The following CCDC171 variants were observed in gnomAD, a reference collection of about 807,000 sequenced individuals.
CCDC171 encodes the protein coiled-coil domain-containing protein 171.
CCDC171 carries 177 observed loss-of-function variants against 168.2 expected under a neutral mutation model. The ratio of observed to expected loss-of-function variants is 1.05; its 90% CI spans 0.93 to 1.19. CCDC171 has a LOEUF of 1.19. Among genes scored for constraint, CCDC171 ranks in the 50% most tolerant of loss-of-function variants. The probability of loss-of-function intolerance (pLI) is 0.00; values close to 1 mark genes in which losing one functional copy is unlikely to be tolerated. For synonymous variants in CCDC171, 687 were observed against 540.8 expected, an observed-to-expected ratio of 1.27 and a Z score of -3.75; for missense variants, 1,991 against 1,539.0, an observed-to-expected ratio of 1.29 and a Z score of -4.91.
intron 25 of CCDC171, among the ~76,000 whole-genome samples, chr9:15,950,742 C>G (rs1829050859): frequency 6.6e-6 from 1 of 151,744 alleles, no homozygotes; most frequent in Admixed American, 6.6e-5. Flanking sequence ...CAGCTAACAT[C>G]ATAATGACAG....
In CCDC171 at chr9:15,980,177, A is replaced by C. The variant is rs545327218; in HGVS notation, n.369-40412A>C. On this transcript the variant is annotated intron_variant and non_coding_transcript_variant, in intron 3 of 9. Transcript: ENST00000486641. ...ATCTAATGTTTTCTGGAAATTTTCT[A>C]TTTCAAATTAGGATTTTGACTTTAC... is the stretch of plus-strand genomic sequence containing the variant. Among the ~76,000 whole-genome samples, 266 of 152,248 alleles carry C rather than the reference A, an allele frequency of 1.7e-3. 1 individual carries two copies. Among genetic ancestry groups the C allele is most frequent in the Non-Finnish European group, 2.8e-3 (193 of 67,996 alleles).
the CCDC171 span, among the ~76,000 whole-genome samples, chr9:16,083,347 T>G: frequency 6.6e-6 from 1 of 152,188 alleles, no homozygotes; most frequent in Non-Finnish European, 1.5e-5. Context: ...AGTGAAAAAG[T>G]GGCCAGTCTT....
intron 11 of CCDC171, among the ~76,000 whole-genome samples, chr9:15,700,046 C>G (rs771738066): frequency 2.0e-5 from 3 of 152,240 alleles, no homozygotes; most frequent in Non-Finnish European, 4.4e-5. Context: ...TGTGACCGCA[C>G]TCCTCAGCCC....
rs555696694 is a variant in CCDC171 at position 15,929,534 on chromosome 9, T to C, written c.3753+9112T>C. Among the ~76,000 whole-genome samples, 3 of 151,832 alleles carry C rather than the reference T, an allele frequency of 2.0e-5. No homozygotes were observed. The South Asian group carries it at 6.2e-4, about 31-fold the overall frequency. ...ACCTTGCAGCCCAAGGAAGAGTCCT[T>C]AACTTTTGTTCCACTTTCCCTCTAC... On this transcript the variant is annotated intron_variant, in intron 25 of 25. Coordinates refer to ENST00000380701, the MANE Select transcript of CCDC171 (RefSeq NM_173550.4).
intron 10 of CCDC171, among the ~76,000 whole-genome samples, chr9:15,690,134 A>C (rs2050686429): frequency 6.6e-6 from 1 of 152,196 alleles, no homozygotes; most frequent in Non-Finnish European, 1.5e-5. Context: ...ATGGGGAGTG[A>C]GAGCCAGTGG....
At chr9:15,953,837 G>A (rs185194662) in intron 25 of CCDC171, among the ~76,000 whole-genome samples, 1 of 151,998 alleles carries the variant, frequency 6.6e-6, no homozygotes, top group East Asian at 1.9e-4. Flanking sequence ...TTTGATTACT[G>A]AGTCAATCTG....
chr9:15,605,315 A>G (rs542455079), intron 6 of CCDC171, among the ~76,000 whole-genome samples: 1 of 152,110 alleles, frequency 6.6e-6, no homozygotes, highest in East Asian at 1.9e-4. Flanking sequence ...CTTCTGGAAA[A>G]CTATGTACTG....
At chr9:16,040,881 C>T (rs1359955), upstream of CCDC171, among the ~76,000 whole-genome samples, 61,338 of 151,038 alleles carry the variant, frequency 0.41, 13,893 homozygotes, top group East Asian at 0.73. Flanking sequence ...GATACTCTCT[C>T]TTTTTTTTTC....
chr9:15,875,847 A>C (rs1158053754), intron 24 of CCDC171: 1 of 152,038 alleles, frequency 6.6e-6, no homozygotes, highest in Non-Finnish European at 1.5e-5. Flanking sequence ...AGTAAGCATA[A>C]AATATTTTTC....
chr9:15,902,279 T>G (rs12683907), intron 24 of CCDC171, among the ~76,000 whole-genome samples: 6 of 145,024 alleles, frequency 4.1e-5, no homozygotes, highest in South Asian at 2.2e-4. Context: ...TATATATATA[T>G]ATACACACAC....
chr9:15,711,324 C>T (rs1418297891), intron 11 of CCDC171, among the ~76,000 whole-genome samples: 4 of 152,080 alleles, frequency 2.6e-5, no homozygotes, highest in Non-Finnish European at 5.9e-5. Flanking sequence ...AATTCTTCAT[C>T]TTGTACACTT....
chr9:15,786,780 A>G (rs1018036492), intron 21 of CCDC171, among the ~76,000 whole-genome samples: 3 of 152,060 alleles, frequency 2.0e-5, no homozygotes, highest in African/African-American at 7.2e-5. Flanking sequence ...GCCCTATCCT[A>G]ACTGATCAAT....
intron 3 of CCDC171, among the ~76,000 whole-genome samples, chr9:16,007,950 C>T (rs372597595): frequency 1.3e-5 from 2 of 152,246 alleles, no homozygotes; most frequent in East Asian, 3.9e-4. Context: ...TGTTATTGAG[C>T]TGTAAGAATT....
At chr9:15,623,463 A>ACGCGCGCACGCGCG (rs144676393) in intron 7 of CCDC171, 50 bp downstream of exon 7, 3 of 636,474 alleles carry the variant, frequency 4.7e-6, no homozygotes, top group Middle Eastern at 3.9e-4. Context: ...ACTTTCACAT[A>ACGCGCGCACGCGCG]TGCGCGCGCG....
At chr9:15,876,778 A>C (rs1817900511) in intron 24 of CCDC171, among the ~76,000 whole-genome samples, 1 of 152,044 alleles carries the variant, frequency 6.6e-6, no homozygotes, top group Non-Finnish European at 1.5e-5. Flanking sequence ...CATTTATACT[A>C]AGTGTGGCTA....
At chr9:15,734,839 A>G (rs2054384578) in intron 16 of CCDC171, among the ~76,000 whole-genome samples, 2 of 152,182 alleles carry the variant, frequency 1.3e-5, no homozygotes, top group African/African-American at 4.8e-5. Context: ...AGGGGAAAAA[A>G]TCCGCAGTTG....
intron 10 of CCDC171, among the ~76,000 whole-genome samples, chr9:15,690,782 C>G (rs2050725146): frequency 6.6e-6 from 1 of 151,938 alleles, no homozygotes; most frequent in African/African-American, 2.4e-5. Context: ...TTATGGAGCG[C>G]TTTTATAAAC....
rs537922587 is a variant in CCDC171 at position 15,838,834 on chromosome 9, A to G, written c.3268-7868A>G. On this transcript the variant is annotated intron_variant, in intron 21 of 25. Transcript: ENST00000380701. ...TCCCTAACTAGGAAGAGGTAGCTACAGATGCTGTATTATTGAGCTTGGTAT... is the reference window on the plus strand; with the variant it reads ...TCCCTAACTAGGAAGAGGTAGCTACGGATGCTGTATTATTGAGCTTGGTAT... Among the ~76,000 whole-genome samples, 4 of 152,358 alleles carry G rather than the reference A, an allele frequency of 2.6e-5. No homozygotes were observed. The South Asian group carries it at 8.3e-4, about 32-fold the overall frequency.
At chr9:16,072,076 A>G in the CCDC171 span, among the ~76,000 whole-genome samples, 1 of 152,366 alleles carries the variant, frequency 6.6e-6, no homozygotes, top group Non-Finnish European at 1.5e-5. Flanking sequence ...TTTTTACTGG[A>G]AAGTAATTAA....
Sources: allele counts gnomAD v4.1 joint callset (sites outside exome capture counted in the v4.1 genomes callset), GRCh38; gene constraint gnomAD v4.1.1; transcripts MANE v1.5; gene names NCBI Gene and HGNC (gene_info 2026-07-23, HGNC 2026-07-21).